The following TANC2 variants were observed in gnomAD, a reference collection of about 807,000 sequenced individuals.
The protein encoded by TANC2 is tetratricopeptide repeat, ankyrin repeat and coiled-coil containing 2.
A neutral mutation model predicts 210.5 loss-of-function variants in TANC2; 26 were observed. The ratio of observed to expected loss-of-function variants is 0.12; its 90% confidence interval spans 0.09 to 0.17. The LOEUF (loss-of-function observed/expected upper bound fraction) is 0.17, where lower values mean the gene tolerates loss of function less well. TANC2 is among the 10% of genes least tolerant of loss of function. The pLI is 1.00. For missense variants in TANC2, 2,129 were observed against 2,608.9 expected (o/e 0.82, Z 4.01); for synonymous variants, 931 against 967.1 (o/e 0.96, Z 0.69).
At chr17:63,427,245 A>G (rs1378593524) in exon 28 of TANC2, 1 of 152,252 alleles carries the variant, frequency 6.6e-6, no homozygotes, top group East Asian at 1.9e-4. Context: ...AGACATGTAC[A>G]GTCTACAATT....
intron 2 of TANC2, among the ~76,000 whole-genome samples, chr17:63,022,422 A>G (rs1377083688): frequency 6.6e-6 from 1 of 152,072 alleles, no homozygotes; most frequent in Non-Finnish European, 1.5e-5. Flanking sequence ...CTGTGTAGCT[A>G]CTTCTGGCCA....
At chr17:63,270,545 C>T (rs1393777079) in intron 9 of TANC2, among the ~76,000 whole-genome samples, 1 of 152,018 alleles carries the variant, frequency 6.6e-6, no homozygotes, top group African/African-American at 2.4e-5. Flanking sequence ...GAAACTACCC[C>T]CAAAAAAGTA....
intron 2 of TANC2, among the ~76,000 whole-genome samples, chr17:63,071,230 TAGTTACCTA>T (rs2036385559): frequency 6.6e-6 from 1 of 152,198 alleles, no homozygotes; most frequent in South Asian, 2.1e-4. Flanking sequence ...ATAGGGACTT[TAGTTACCTA>T]AGCATGGGTA....
At chr17:63,173,457 G>A (rs1188735825) in intron 5 of TANC2, among the ~76,000 whole-genome samples, 1 of 152,170 alleles carries the variant, frequency 6.6e-6, no homozygotes, top group African/African-American at 2.4e-5. Context: ...TTTTGCCCTT[G>A]CTTCCAACTT....
rs553242729 is a variant in TANC2, at chr17:63,143,704, T to C, written c.323-7566T>C. 6.0e-4 allele frequency among the ~76,000 whole-genome samples: 92 copies of C among 152,316 alleles called. 1 individual carries two copies. Among genetic ancestry groups the C allele is most frequent in the African/African-American group, 2.2e-3 (91 of 41,592 alleles). ...AATTTGCTGTGTCACTATTAGTATA[T>C]AGTTATTTCATCCCTTATTGAATTA... On this transcript the variant is annotated intron_variant, in intron 4 of 27. Coordinates refer to ENST00000689528, the Ensembl canonical transcript of TANC2.
chr17:63,088,965 A>G (rs886304514), intron 3 of TANC2: 1 of 152,148 alleles, frequency 6.6e-6, no homozygotes, highest in Non-Finnish European at 1.5e-5. Context: ...GCTTTTCCAT[A>G]TAGATTTCAT....
At chr17:63,116,396 A>T (rs1305166662) in intron 4 of TANC2, among the ~76,000 whole-genome samples, 1 of 152,206 alleles carries the variant, frequency 6.6e-6, no homozygotes, top group African/African-American at 2.4e-5. Context: ...ATCCCCTGGA[A>T]GGGGGAGCTC....
chr17:63,237,763 T>C, intron 7 of TANC2, 51 bp from the exon 8 acceptor site: 1 of 1,463,730 alleles, frequency 6.8e-7, no homozygotes, highest in Non-Finnish European at 9.1e-7. Flanking sequence ...CAAAGATTAA[T>C]AACTGTATGT....
chr17:63,007,212 A>G (rs241060), intron 1 of TANC2, among the ~76,000 whole-genome samples: 149,888 of 152,280 alleles, frequency 0.98, 73,779 homozygotes, highest in East Asian at 1. Flanking sequence ...CTGGGTGACA[A>G]CATGAGACCC....
chr17:63,340,440 T>A, intron 12 of TANC2, 108 bp downstream of exon 12: 1 of 899,340 alleles, frequency 1.1e-6, no homozygotes. Flanking sequence ...AACTAAATGT[T>A]CCATAGCTGG....
At chr17:63,050,150 G>A (rs553121506) in intron 2 of TANC2, among the ~76,000 whole-genome samples, 33 of 152,152 alleles carry the variant, frequency 2.2e-4, no homozygotes, top group African/African-American at 8.0e-4. Flanking sequence ...CCAGGAGTTT[G>A]AGACCAGCCT....
chr17:62,989,295 A>C (rs1341844719), intron 1 of TANC2, among the ~76,000 whole-genome samples: 1 of 152,234 alleles, frequency 6.6e-6, no homozygotes, highest in African/African-American at 2.4e-5. Context: ...TAAAATTTAT[A>C]GATTAATATT....
At chr17:63,287,385 T>C (rs186109380) in intron 9 of TANC2, among the ~76,000 whole-genome samples, 2 of 152,358 alleles carry the variant, frequency 1.3e-5, no homozygotes, top group East Asian at 3.9e-4. Context: ...TCAGTTTCAA[T>C]TGATTGATTT....
chr17:63,363,931 C>CT (rs1275771515), intron 14 of TANC2, among the ~76,000 whole-genome samples: 2 of 152,320 alleles, frequency 1.3e-5, no homozygotes, highest in East Asian at 1.9e-4. Flanking sequence ...ACTTCTAATT[C>CT]TTCTCTATCT....
intron 1 of TANC2, among the ~76,000 whole-genome samples, chr17:62,984,951 GTGTC>G (rs1270812034): frequency 6.6e-6 from 1 of 152,168 alleles, no homozygotes; most frequent in Non-Finnish European, 1.5e-5. Context: ...ACACTCTTAA[GTGTC>G]TGTTAAATCC....
At chr17:63,425,869 C>T (rs957552621) in exon 28 of TANC2, 1 of 152,282 alleles carries the variant, frequency 6.6e-6, no homozygotes, top group Non-Finnish European at 1.5e-5. Flanking sequence ...CCATGAGCCT[C>T]CCTCCTGTCA....
intron 15 of TANC2, among the ~76,000 whole-genome samples, chr17:63,381,706 C>A (rs1029764): frequency 0.59 from 89,518 of 152,038 alleles, 28,948 homozygotes; most frequent in African/African-American, 0.86. Flanking sequence ...CCATGATCTT[C>A]AGATACCTGA....
At chr17:63,278,792 A>G (rs2043972240) in intron 9 of TANC2, among the ~76,000 whole-genome samples, 1 of 152,164 alleles carries the variant, frequency 6.6e-6, no homozygotes, top group South Asian at 2.1e-4. Context: ...ATCCTGTAAT[A>G]TGCTACAATA....
chr17:63,181,437 G>C (rs1446791525), intron 5 of TANC2, among the ~76,000 whole-genome samples: 1 of 152,174 alleles, frequency 6.6e-6, no homozygotes, highest in African/African-American at 2.4e-5. Context: ...TTCTAGGCAT[G>C]TTGAAAACCA....
Sources: allele counts gnomAD v4.1 joint callset (sites outside exome capture counted in the v4.1 genomes callset), GRCh38; gene constraint gnomAD v4.1.1; transcripts MANE v1.5; gene names NCBI Gene and HGNC (gene_info 2026-07-23, HGNC 2026-07-21).